FGF14: variants seen among roughly 807,000 people sequenced by gnomAD.
FGF14 encodes fibroblast growth factor homologous factor 4.
Under a neutral mutation model 25.5 loss-of-function variants are expected in FGF14, and 5 were observed. The observed-to-expected ratio is 0.20, with a 90% confidence interval of 0.10 to 0.41. FGF14 has a LOEUF of 0.41. Ranked by LOEUF, FGF14 falls within the 10% of genes least tolerant of loss-of-function variation. The pLI is 1.00. For synonymous variants in FGF14, 138 were observed against 118.3 expected (o/e 1.17, Z -1.08); for missense variants, 222 against 320.1 (o/e 0.69, Z 2.34).
At chr13:102,151,023 G>A (rs1313660794) in intron 1 of FGF14, among the ~76,000 whole-genome samples, 3 of 152,128 alleles carry the variant, frequency 2.0e-5, no homozygotes, top group South Asian at 2.1e-4. Context: ...TGAAGATTAC[G>A]CTTTTTTAAA....
intron 1 of FGF14, among the ~76,000 whole-genome samples, chr13:101,973,119 C>CATTTTTTTTTT (rs77590228): frequency 1.6e-5 from 2 of 127,508 alleles, no homozygotes; most frequent in Non-Finnish European, 3.5e-5. Flanking sequence ...AAGTGTGCTT[C>CATTTTTTTTTT]TTTTTTTTTT....
chr13:102,045,525 C>A (rs574995546), intron 1 of FGF14, among the ~76,000 whole-genome samples: 2 of 152,132 alleles, frequency 1.3e-5, no homozygotes, highest in African/African-American at 4.8e-5. Context: ...ACTGTGATCT[C>A]TATCATGAAA....
At chr13:101,867,173 A>G (rs917062571) in intron 3 of FGF14, among the ~76,000 whole-genome samples, 1 of 152,186 alleles carries the variant, frequency 6.6e-6, no homozygotes, top group Non-Finnish European at 1.5e-5. Flanking sequence ...TGGACTTGGC[A>G]GTTAACACAT....
intron 3 of FGF14, among the ~76,000 whole-genome samples, chr13:101,846,894 A>AT (rs2043491613): frequency 6.6e-6 from 1 of 152,034 alleles, no homozygotes; most frequent in Non-Finnish European, 1.5e-5. Context: ...TGGCAGATGG[A>AT]TTTTTCATAG....
At chr13:102,047,308 T>G (rs1473595880) in intron 1 of FGF14, among the ~76,000 whole-genome samples, 4 of 152,176 alleles carry the variant, frequency 2.6e-5, no homozygotes, top group Non-Finnish European at 5.9e-5. Flanking sequence ...CTTCGAAATT[T>G]TGGTTTAAGA....
At chr13:102,361,213 C>T (rs938507788) in intron 1 of FGF14, among the ~76,000 whole-genome samples, 1 of 152,094 alleles carries the variant, frequency 6.6e-6, no homozygotes, top group Non-Finnish European at 1.5e-5. Flanking sequence ...AAGCAAATGT[C>T]ATCATCAACA....
At chr13:101,765,798 C>A (rs190654450) in intron 3 of FGF14, among the ~76,000 whole-genome samples, 1 of 152,002 alleles carries the variant, frequency 6.6e-6, no homozygotes, top group African/African-American at 2.4e-5. Context: ...GGTGCGATCT[C>A]GGCTCACTGC....
At chr13:102,352,278 CA>C (rs1383179056) in intron 1 of FGF14, among the ~76,000 whole-genome samples, 4 of 149,498 alleles carry the variant, frequency 2.7e-5, no homozygotes, top group African/African-American at 1.0e-4. Context: ...CACACACACA[CA>C]CACACACACA....
chr13:101,756,560 C>T (rs998395770), intron 3 of FGF14, among the ~76,000 whole-genome samples: 3 of 152,028 alleles, frequency 2.0e-5, no homozygotes, highest in African/African-American at 7.2e-5. Flanking sequence ...TGGTGAAACC[C>T]CGTCTCTACT....
chr13:101,813,291 C>G (rs2041670308), intron 3 of FGF14, among the ~76,000 whole-genome samples: 1 of 152,078 alleles, frequency 6.6e-6, no homozygotes, highest in African/African-American at 2.4e-5. Context: ...ACTTAATGAC[C>G]AATGTGATAG....
intron 1 of FGF14, among the ~76,000 whole-genome samples, chr13:102,123,787 A>C (rs2045835574): frequency 1.3e-5 from 2 of 152,164 alleles, no homozygotes; most frequent in African/African-American, 4.8e-5. Flanking sequence ...TTTAATTTAA[A>C]GAGCTAGTGG....
At chr13:102,189,100 G>GGAGA (rs745325798) in intron 1 of FGF14, among the ~76,000 whole-genome samples, 13 of 147,928 alleles carry the variant, frequency 8.8e-5, no homozygotes, top group East Asian at 2.0e-4. Context: ...GAGAAAGGAG[G>GGAGA]GAGAGAGAGA....
chr13:101,755,269 A>C (rs2037566928), intron 3 of FGF14, among the ~76,000 whole-genome samples: 1 of 151,998 alleles, frequency 6.6e-6, no homozygotes, highest in African/African-American at 2.4e-5. Flanking sequence ...CACACTACCC[A>C]CCCTCTTAAT....
At chr13:102,097,279 G>A (rs2044446287) in intron 1 of FGF14, among the ~76,000 whole-genome samples, 1 of 152,118 alleles carries the variant, frequency 6.6e-6, no homozygotes, top group Admixed American at 6.5e-5. Context: ...AGAGCAGAAA[G>A]ATCCAGAATT....
At chr13:101,869,958 A>G (rs1274097927) in intron 2 of FGF14, among the ~76,000 whole-genome samples, 2 of 152,194 alleles carry the variant, frequency 1.3e-5, no homozygotes, top group Non-Finnish European at 1.5e-5. Flanking sequence ...TCTGATTATT[A>G]CAAGCTACTG....
chr13:101,950,175 A>G (rs2036068225), intron 1 of FGF14, among the ~76,000 whole-genome samples: 1 of 152,130 alleles, frequency 6.6e-6, no homozygotes, highest in Non-Finnish European at 1.5e-5. Context: ...GTCATTAAAG[A>G]GCCACTCAAC....
At chr13:102,068,633 G>A (rs926831645) in intron 1 of FGF14, among the ~76,000 whole-genome samples, 1 of 152,234 alleles carries the variant, frequency 6.6e-6, no homozygotes, top group African/African-American at 2.4e-5. Context: ...GGCTGCAGAG[G>A]GTGTACTGGG....
chr13:102,367,067 T>A (rs2057735728), intron 1 of FGF14, among the ~76,000 whole-genome samples: 1 of 152,232 alleles, frequency 6.6e-6, no homozygotes, highest in Admixed American at 6.5e-5. Flanking sequence ...TATTACCACA[T>A]AATAAATTAC....
At chr13:102,164,444 A>G (rs1419500724) in intron 1 of FGF14, among the ~76,000 whole-genome samples, 1 of 152,168 alleles carries the variant, frequency 6.6e-6, no homozygotes, top group Non-Finnish European at 1.5e-5. Context: ...TAAACAAACA[A>G]TATCTTTGGG....
Sources: gnomAD v4.1 joint callset for allele counts (sites outside exome capture counted in the v4.1 genomes callset) on GRCh38, gnomAD v4.1.1 for gene constraint, MANE v1.5 for transcripts, NCBI Gene and HGNC (gene_info 2026-07-23, HGNC 2026-07-21) for gene names.